ZFAND3: variants seen among roughly 807,000 people sequenced by gnomAD.
The protein encoded by ZFAND3 is zinc finger AN1-type containing 3, also known as AN1-type zinc finger protein 3.
ZFAND3 carries 10 observed loss-of-function variants against 29.6 expected under a neutral mutation model. The ratio of observed to expected loss-of-function variants is 0.34; its 90% CI spans 0.21 to 0.57. The LOEUF is 0.57. Among genes scored for constraint, ZFAND3 ranks in the 20% least tolerant of loss-of-function variants. The pLI is 0.86. For missense variants in ZFAND3, 230 were observed against 304.5 expected (o/e 0.76, Z 1.82); for synonymous variants, 128 against 112.6 (o/e 1.14, Z -0.87).
At chr6:37,905,668 A>C (rs1335561697) in intron 1 of ZFAND3, among the ~76,000 whole-genome samples, 1 of 152,100 alleles carries the variant, frequency 6.6e-6, no homozygotes, top group Non-Finnish European at 1.5e-5. Flanking sequence ...GTTACCTTAG[A>C]AATCATTTAG....
intron 2 of ZFAND3, among the ~76,000 whole-genome samples, chr6:37,978,546 G>C (rs56073681): frequency 0.07 from 10,370 of 148,896 alleles, 423 homozygotes; most frequent in Non-Finnish European, 0.089. Flanking sequence ...ATTCATGAAT[G>C]AAGCCATCTA....
intron 1 of ZFAND3, among the ~76,000 whole-genome samples, chr6:37,929,071 T>C (rs973228644): frequency 6.6e-6 from 1 of 152,186 alleles, no homozygotes; most frequent in African/African-American, 2.4e-5. Flanking sequence ...AGGGGTAACA[T>C]AGTGTTCCAT....
At chr6:38,090,296 A>G (rs1764839280) in intron 4 of ZFAND3, among the ~76,000 whole-genome samples, 1 of 152,240 alleles carries the variant, frequency 6.6e-6, no homozygotes, top group Non-Finnish European at 1.5e-5. Context: ...CTTATGTAAT[A>G]TGCAAGTTCC....
Position 38,154,269 on chromosome 6 carries a change from C to A in ZFAND3, c.*1880C>A, listed in dbSNP as rs907202013. ...AGCCCTTCCCGGCCCTCCCCAGGGCCCCCCGCCCCCTCCTCTGCCTGCTGC... is the reference window on the plus strand; with the variant it reads ...AGCCCTTCCCGGCCCTCCCCAGGGCACCCCGCCCCCTCCTCTGCCTGCTGC... On this transcript the variant is annotated 3_prime_UTR_variant, in exon 6 of 6. Transcript: ENST00000287218. 11 of 985,376 alleles carry A rather than the reference C, an allele frequency of 1.1e-5. No homozygotes were observed. The South Asian group carries it at 3.8e-4, about 34-fold the overall frequency. 61.0% of individuals were successfully genotyped at this position (985,376 alleles called of 1,614,324 possible).
chr6:38,145,427 G>A (rs1766083645), intron 5 of ZFAND3, among the ~76,000 whole-genome samples: 2 of 152,170 alleles, frequency 1.3e-5, no homozygotes, highest in African/African-American at 4.8e-5. Flanking sequence ...AGATGTTGTG[G>A]CACCTTTGCC....
intron 2 of ZFAND3, among the ~76,000 whole-genome samples, chr6:38,060,224 A>T (rs1191186193): frequency 6.6e-6 from 1 of 152,142 alleles, no homozygotes; most frequent in Non-Finnish European, 1.5e-5. Flanking sequence ...TGTGTATACT[A>T]AGGGACGACA....
At chr6:37,829,074 T>C (rs1305508336) in intron 1 of ZFAND3, among the ~76,000 whole-genome samples, 1 of 152,242 alleles carries the variant, frequency 6.6e-6, no homozygotes, top group African/African-American at 2.4e-5. Context: ...TGTTTAACTT[T>C]ACTGCATGCA....
At chr6:37,837,879 A>G (rs1056972937) in intron 1 of ZFAND3, among the ~76,000 whole-genome samples, 2 of 152,208 alleles carry the variant, frequency 1.3e-5, no homozygotes, top group Admixed American at 1.3e-4. Context: ...ACACAAAAAT[A>G]CACTTTGTTT....
intron 4 of ZFAND3, among the ~76,000 whole-genome samples, chr6:38,085,690 T>G (rs1442954162): frequency 6.6e-6 from 1 of 152,184 alleles, no homozygotes; most frequent in Non-Finnish European, 1.5e-5. Flanking sequence ...TCCTCTCGCC[T>G]TGACCTCCCA....
intron 2 of ZFAND3, among the ~76,000 whole-genome samples, chr6:38,013,360 C>T (rs1016826863): frequency 6.6e-6 from 1 of 152,148 alleles, no homozygotes; most frequent in Non-Finnish European, 1.5e-5. Flanking sequence ...CACCTTCTTT[C>T]GGGACCACTC....
chr6:37,825,628 T>G (rs1048029990), intron 1 of ZFAND3, among the ~76,000 whole-genome samples: 5 of 152,146 alleles, frequency 3.3e-5, no homozygotes, highest in Non-Finnish European at 5.9e-5. Context: ...TTTATCATCT[T>G]CTCTTCTCCA....
intron 1 of ZFAND3, among the ~76,000 whole-genome samples, chr6:37,922,513 A>G (rs1761402419): frequency 6.6e-6 from 1 of 152,238 alleles, no homozygotes; most frequent in South Asian, 2.1e-4. Flanking sequence ...ACAAAAGAAA[A>G]TAGTCATGCA....
chr6:38,087,573 C>T (rs1764780906), intron 4 of ZFAND3, among the ~76,000 whole-genome samples: 1 of 152,152 alleles, frequency 6.6e-6, no homozygotes, highest in Non-Finnish European at 1.5e-5. Flanking sequence ...GAATGGCAAA[C>T]AGACATATAA....
At chr6:38,049,675 T>TA (rs572055218) in intron 2 of ZFAND3, among the ~76,000 whole-genome samples, 4 of 152,312 alleles carry the variant, frequency 2.6e-5, no homozygotes, top group South Asian at 4.2e-4. Flanking sequence ...ATTCACTGGA[T>TA]AAAAATTAGT....
chr6:38,142,653 G>T (rs9462387), intron 5 of ZFAND3, among the ~76,000 whole-genome samples: 4,962 of 152,212 alleles, frequency 0.033, 219 homozygotes, highest in African/African-American at 0.096. Context: ...CAGAAGTTTC[G>T]TACCAGCACA....
intron 5 of ZFAND3, 54 bp downstream of exon 5, chr6:38,116,793 CA>C: frequency 6.4e-7 from 1 of 1,562,224 alleles, no homozygotes; most frequent in African/African-American, 1.4e-5. Flanking sequence ...CACCTTGGCC[CA>C]GCTTTGGAAA....
At chr6:38,134,240 C>T (rs780521441) in intron 5 of ZFAND3, among the ~76,000 whole-genome samples, 3 of 152,158 alleles carry the variant, frequency 2.0e-5, no homozygotes, top group African/African-American at 7.2e-5. Flanking sequence ...ATGCACATTC[C>T]GTTCTCCTGA....
intron 2 of ZFAND3, among the ~76,000 whole-genome samples, chr6:37,946,150 A>G (rs1226628804): frequency 6.6e-6 from 1 of 152,200 alleles, no homozygotes; most frequent in East Asian, 1.9e-4. Context: ...TGGGGAATGT[A>G]AAAGCATACA....
At chr6:38,010,815 G>T (rs1581836834) in intron 2 of ZFAND3, among the ~76,000 whole-genome samples, 1 of 151,276 alleles carries the variant, frequency 6.6e-6, no homozygotes, top group Non-Finnish European at 1.5e-5. Context: ...TGGCCAGGTT[G>T]GTCTCAAACT....
Sources: gnomAD v4.1 joint callset for allele counts (sites outside exome capture counted in the v4.1 genomes callset) on GRCh38, gnomAD v4.1.1 for gene constraint, MANE v1.5 for transcripts, NCBI Gene and HGNC (gene_info 2026-07-23, HGNC 2026-07-21) for gene names.